Variants in CTNNA2 observed in about 807,000 individuals in gnomAD.
CTNNA2 encodes the protein catenin alpha-2.
CTNNA2 carries 42 observed loss-of-function variants against 101.0 expected under a neutral mutation model. The ratio of observed to expected loss-of-function variants is 0.42; its 90% CI spans 0.32 to 0.54. The LOEUF is 0.54. Ranked by LOEUF, CTNNA2 falls within the 20% of genes least tolerant of loss-of-function variation. The pLI is 0.14. For missense variants in CTNNA2, 871 were observed against 1,223.1 expected, an observed-to-expected ratio of 0.71 and a Z score of 4.29; for synonymous variants, 450 against 456.4, an observed-to-expected ratio of 0.99 and a Z score of 0.18.
intron 9 of CTNNA2, among the ~76,000 whole-genome samples, chr2:80,503,755 G>A (rs1446454181): frequency 6.6e-6 from 1 of 152,092 alleles, no homozygotes; most frequent in Non-Finnish European, 1.5e-5. Flanking sequence ...GTCAGTTTGG[G>A]TCCAGAGCCT....
chr2:79,211,967 T>C (rs1032333337), intron 2 of CTNNA2, among the ~76,000 whole-genome samples: 7 of 152,104 alleles, frequency 4.6e-5, no homozygotes, highest in African/African-American at 1.7e-4. Flanking sequence ...GTGGGACTGT[T>C]AGAAGAAACA....
intron 7 of CTNNA2, among the ~76,000 whole-genome samples, chr2:79,917,284 G>A (rs1259680269): frequency 6.6e-6 from 1 of 151,942 alleles, no homozygotes; most frequent in Non-Finnish European, 1.5e-5. Context: ...TGGCCAGGAT[G>A]GTCTTGATCT....
chr2:79,542,203 A>G (rs913572245), intron 1 of CTNNA2, among the ~76,000 whole-genome samples: 2 of 152,008 alleles, frequency 1.3e-5, no homozygotes, highest in African/African-American at 2.4e-5. Context: ...GCAATTTCCT[A>G]CTGCCAGTAT....
chr2:79,263,321 C>A (rs1315728619), intron 2 of CTNNA2, among the ~76,000 whole-genome samples: 1 of 152,056 alleles, frequency 6.6e-6, no homozygotes, highest in Non-Finnish European at 1.5e-5. Context: ...TGAATGAGTT[C>A]TTGCTCTGAA....
intron 7 of CTNNA2, among the ~76,000 whole-genome samples, chr2:80,024,455 G>A (rs1182700925): frequency 6.6e-6 from 1 of 152,204 alleles, no homozygotes; most frequent in Non-Finnish European, 1.5e-5. Context: ...AGAGGGCACA[G>A]CATGAGCAAA....
At chr2:80,491,608 G>T (rs1212383435) in intron 9 of CTNNA2, among the ~76,000 whole-genome samples, 1 of 152,172 alleles carries the variant, frequency 6.6e-6, no homozygotes, top group Non-Finnish European at 1.5e-5. Flanking sequence ...AGAAATAAGA[G>T]GCAATTAGCT....
At chr2:79,467,577 A>G (rs1209633861) in intron 4 of CTNNA2, among the ~76,000 whole-genome samples, 2 of 152,224 alleles carry the variant, frequency 1.3e-5, no homozygotes, top group African/African-American at 2.4e-5. Context: ...CATAATTGTC[A>G]GATTCACCAA....
intron 2 of CTNNA2, among the ~76,000 whole-genome samples, chr2:79,258,450 C>A (rs1674875948): frequency 6.6e-6 from 1 of 152,096 alleles, no homozygotes; most frequent in South Asian, 2.1e-4. Context: ...CTTTGAAAAT[C>A]TTAGAGCTCT....
At position 80,342,856 on chromosome 2, in the gene CTNNA2, G is replaced by A. The variant is rs1039857817; in HGVS notation, c.1057-50355G>A. Reference sequence around the variant, plus strand: ...ACAGAAATGTATTGTGTCACAGTTCGGGAGGACAGAGGTCCAAGATCAAGG... The same window carrying A: ...ACAGAAATGTATTGTGTCACAGTTCAGGAGGACAGAGGTCCAAGATCAAGG... On this transcript the variant is annotated intron_variant, in intron 7 of 18. Coordinates refer to ENST00000402739, the MANE Select transcript of CTNNA2 (RefSeq NM_001282597.3). Among the ~76,000 whole-genome samples, 5 of 152,218 alleles carry A rather than the reference G, an allele frequency of 3.3e-5. No individual in the cohort carries two copies. The East Asian group carries it at 7.7e-4, about 24-fold the overall frequency.
intron 2 of CTNNA2, among the ~76,000 whole-genome samples, chr2:79,309,667 G>C (rs1407128119): frequency 6.6e-6 from 1 of 152,094 alleles, no homozygotes; most frequent in African/African-American, 2.4e-5. Context: ...GATTTAAACT[G>C]GTCTAATTAG....
intron 6 of CTNNA2, among the ~76,000 whole-genome samples, chr2:79,892,102 CCTT>C (rs1422730497): frequency 6.6e-6 from 1 of 152,012 alleles, no homozygotes; most frequent in African/African-American, 2.4e-5. Flanking sequence ...TACACACACT[CCTT>C]AACTATTTTT....
chr2:80,300,259 G>A (rs1412975262), intron 7 of CTNNA2, among the ~76,000 whole-genome samples: 1 of 148,892 alleles, frequency 6.7e-6, no homozygotes, highest in African/African-American at 2.5e-5. Flanking sequence ...TCCTGGCCAG[G>A]AAAAATGAGC....
intron 3 of CTNNA2, among the ~76,000 whole-genome samples, chr2:79,342,727 C>T (rs1400620464): frequency 6.6e-6 from 1 of 152,150 alleles, no homozygotes; most frequent in Non-Finnish European, 1.5e-5. Context: ...AAATGCATCC[C>T]TACCTGCAGA....
intron 7 of CTNNA2, among the ~76,000 whole-genome samples, chr2:80,231,873 G>T (rs1709233911): frequency 6.6e-6 from 1 of 152,048 alleles, no homozygotes; most frequent in South Asian, 2.1e-4. Context: ...TTTTTTTCCA[G>T]AGAGTCTGGC....
At chr2:80,269,520 C>A (rs1329128887) in intron 7 of CTNNA2, among the ~76,000 whole-genome samples, 1 of 152,136 alleles carries the variant, frequency 6.6e-6, no homozygotes, top group Non-Finnish European at 1.5e-5. Flanking sequence ...AATTTTAATT[C>A]ATCGGTGCTC....
intron 3 of CTNNA2, among the ~76,000 whole-genome samples, chr2:79,799,845 A>G (rs574994171): frequency 6.6e-6 from 1 of 152,362 alleles, no homozygotes; most frequent in African/African-American, 2.4e-5. Context: ...TCATAAAAAT[A>G]GCAACATCTT....
intron 7 of CTNNA2, among the ~76,000 whole-genome samples, chr2:80,136,581 G>A (rs1702710937): frequency 6.6e-6 from 1 of 152,100 alleles, no homozygotes; most frequent in Non-Finnish European, 1.5e-5. Flanking sequence ...TTCTGAGCTT[G>A]TGCCTTACTT....
intron 7 of CTNNA2, among the ~76,000 whole-genome samples, chr2:80,044,591 G>A (rs1187170384): frequency 6.6e-6 from 1 of 151,908 alleles, no homozygotes; most frequent in Non-Finnish European, 1.5e-5. Context: ...CCCTCTCCTG[G>A]GGTGCATTCC....
chr2:80,188,425 A>G (rs917591553), intron 7 of CTNNA2, among the ~76,000 whole-genome samples: 1 of 152,194 alleles, frequency 6.6e-6, no homozygotes, highest in Non-Finnish European at 1.5e-5. Context: ...TGAGTTTTCT[A>G]TTGCTGCTGT....
Sources: gnomAD v4.1 joint callset for allele counts (sites outside exome capture counted in the v4.1 genomes callset) on GRCh38, gnomAD v4.1.1 for gene constraint, MANE v1.5 for transcripts, NCBI Gene and HGNC (gene_info 2026-07-23, HGNC 2026-07-21) for gene names.